Variants in FAF1 observed in about 807,000 individuals in gnomAD.
The protein encoded by FAF1 is Fas associated factor 1, also known as FAS-associated factor 1.
In FAF1, 25 loss-of-function variants were observed where a neutral mutation model predicts 92.5. That is an observed-to-expected ratio of 0.27 (90% CI 0.20 to 0.38). The LOEUF is 0.38. Among genes scored for constraint, FAF1 ranks in the 10% least tolerant of loss-of-function variants. The probability of loss-of-function intolerance (pLI) is 1.00; values close to 1 mark genes in which losing one functional copy is unlikely to be tolerated. For missense variants in FAF1, 636 were observed against 793.3 expected (o/e 0.80, Z 2.38); for synonymous variants, 234 against 273.2 (o/e 0.86, Z 1.42).
chr1:50,455,836 T>G (rs1047813605), intron 18 of FAF1, among the ~76,000 whole-genome samples: 6 of 152,088 alleles, frequency 3.9e-5, no homozygotes, highest in African/African-American at 1.4e-4. Context: ...AAAAAAATTT[T>G]GGGGGCCAGG....
chr1:50,580,756 T>C (rs78280022), intron 12 of FAF1, among the ~76,000 whole-genome samples: 226 of 152,272 alleles, frequency 1.5e-3, no homozygotes, highest in Non-Finnish European at 2.4e-3. Context: ...TAGAATACTT[T>C]CTCTTTGCTT....
At chr1:50,924,633 A>G (rs1644989700) in intron 1 of FAF1, among the ~76,000 whole-genome samples, 1 of 152,200 alleles carries the variant, frequency 6.6e-6, no homozygotes, top group Non-Finnish European at 1.5e-5. Context: ...AACAAAGCTG[A>G]CTTCAAAATA....
At chr1:50,595,015 CA>C (rs1413277105) in intron 9 of FAF1, among the ~76,000 whole-genome samples, 1 of 151,752 alleles carries the variant, frequency 6.6e-6, no homozygotes, top group Admixed American at 6.6e-5. Flanking sequence ...ACTATCACTG[CA>C]TTTTTTATAT....
intron 2 of FAF1, among the ~76,000 whole-genome samples, chr1:50,850,765 G>T (rs1346823493): frequency 2.6e-5 from 4 of 151,982 alleles, no homozygotes; most frequent in Non-Finnish European, 5.9e-5. Flanking sequence ...GAAATTTTAA[G>T]AAATTATATT....
chr1:50,742,001 A>G (rs1327106471), intron 5 of FAF1, among the ~76,000 whole-genome samples: 4 of 152,162 alleles, frequency 2.6e-5, no homozygotes, highest in African/African-American at 9.7e-5. Flanking sequence ...TCACCTAGTG[A>G]AGAGTACATA....
chr1:50,492,477 C>T (rs187131996), intron 15 of FAF1, among the ~76,000 whole-genome samples: 6 of 152,238 alleles, frequency 3.9e-5, no homozygotes, highest in African/African-American at 1.4e-4. Flanking sequence ...ATGATTATAC[C>T]ATCTGCCCAT....
intron 2 of FAF1, among the ~76,000 whole-genome samples, chr1:50,854,650 C>T (rs1302400084): frequency 6.6e-6 from 1 of 151,944 alleles, no homozygotes; most frequent in Non-Finnish European, 1.5e-5. Context: ...ACCTCTTTTG[C>T]AGACAGCAGC....
At chr1:50,779,465 T>C (rs1239676319) in intron 4 of FAF1, among the ~76,000 whole-genome samples, 3 of 152,148 alleles carry the variant, frequency 2.0e-5, no homozygotes, top group Non-Finnish European at 2.9e-5. Flanking sequence ...TTGAAATTAC[T>C]CCATGATCCA....
intron 13 of FAF1, among the ~76,000 whole-genome samples, chr1:50,551,305 T>A (rs935968067): frequency 6.6e-6 from 1 of 152,168 alleles, no homozygotes; most frequent in African/African-American, 2.4e-5. Context: ...GTACACAGTT[T>A]AATGGTATAT....
intron 17 of FAF1, among the ~76,000 whole-genome samples, chr1:50,480,163 A>T (rs955917683): frequency 6.6e-6 from 1 of 152,172 alleles, no homozygotes; most frequent in African/African-American, 2.4e-5. Context: ...TTTTCTACTA[A>T]AAATATGTGA....
At chr1:50,652,076 G>A (rs1654888562) in intron 8 of FAF1, among the ~76,000 whole-genome samples, 1 of 152,136 alleles carries the variant, frequency 6.6e-6, no homozygotes, top group Admixed American at 6.6e-5. Context: ...CATTTGCTCT[G>A]GGGAGGTGTG....
At chr1:50,649,219 A>G (rs1654747816) in intron 8 of FAF1, among the ~76,000 whole-genome samples, 1 of 151,596 alleles carries the variant, frequency 6.6e-6, no homozygotes, top group South Asian at 2.1e-4. Context: ...GCAATGGCGC[A>G]ATCTCTCACT....
At chr1:50,695,386 A>T (rs965686722) in intron 7 of FAF1, among the ~76,000 whole-genome samples, 1 of 152,098 alleles carries the variant, frequency 6.6e-6, no homozygotes, top group African/African-American at 2.4e-5. Context: ...AAAAAAAAAA[A>T]ATCATCCAGT....
At chr1:50,953,087 C>T (rs1645233622) in intron 1 of FAF1, among the ~76,000 whole-genome samples, 1 of 152,184 alleles carries the variant, frequency 6.6e-6, no homozygotes, top group African/African-American at 2.4e-5. Flanking sequence ...TAATCTATAA[C>T]CTTACCCCCA....
rs191447560 is a variant in FAF1 at position 50,901,474 on chromosome 1, T to C, written c.46-43477A>G. 7.2e-4 allele frequency among the ~76,000 whole-genome samples: 110 copies of C among 152,150 alleles called. 1 individual carries two copies. The highest frequency in any genetic ancestry group is 2.0e-3 in the Admixed American group (31 of 15,276). ...ACTTTGGGAGGCCAAGGTGGGAAGA[T>C]TGCTTGAGCCCAGGAGTTTGAGATC... On this transcript the variant is annotated intron_variant, in intron 1 of 18. Coordinates refer to ENST00000396153, the MANE Select transcript of FAF1 (RefSeq NM_007051.3).
intron 8 of FAF1, among the ~76,000 whole-genome samples, chr1:50,617,957 A>G (rs1168824821): frequency 6.6e-6 from 1 of 152,102 alleles, no homozygotes; most frequent in Non-Finnish European, 1.5e-5. Flanking sequence ...AGTTGTTCAT[A>G]GTACTATGAA....
In FAF1 at chr1:50,591,863, T is replaced by C. The variant is rs567270990; in HGVS notation, c.840+4258A>G. On this transcript the variant is annotated intron_variant, in intron 9 of 18. Transcript: ENST00000396153. The stretch of plus-strand genomic sequence containing the variant: ...TCAAATCATGCTTTTTTTCTCTGAA[T>C]GGAATGAATGGAATATGATTCCTTT... 2.4e-4 allele frequency among the ~76,000 whole-genome samples: 37 copies of C among 152,286 alleles called. No individual in the cohort carries two copies. The South Asian group carries it at 7.7e-3, about 32-fold the overall frequency.
intron 7 of FAF1, among the ~76,000 whole-genome samples, chr1:50,676,897 T>G (rs568650878): frequency 1.3e-5 from 2 of 152,268 alleles, no homozygotes; most frequent in African/African-American, 4.8e-5. Context: ...GAGTACATAC[T>G]TTTAACCAAT....
At chr1:50,537,042 C>T (rs1452072835) in intron 14 of FAF1, among the ~76,000 whole-genome samples, 1 of 152,148 alleles carries the variant, frequency 6.6e-6, no homozygotes, top group African/African-American at 2.4e-5. Flanking sequence ...ATCCTCCCAC[C>T]TCAGCCTTCC....
Sources: allele counts gnomAD v4.1 joint callset (sites outside exome capture counted in the v4.1 genomes callset), GRCh38; gene constraint gnomAD v4.1.1; transcripts MANE v1.5; gene names NCBI Gene and HGNC (gene_info 2026-07-23, HGNC 2026-07-21).